MYT1: variants seen among roughly 807,000 people sequenced by gnomAD.
MYT1 encodes myelin transcription factor 1.
MYT1 carries 23 observed loss-of-function variants against 123.0 expected under a neutral mutation model. The ratio of observed to expected loss-of-function variants is 0.19; its 90% CI spans 0.13 to 0.26. The LOEUF is 0.26. Ranked by LOEUF, MYT1 falls within the 10% of genes least tolerant of loss-of-function variation. The pLI, the probability that MYT1 is intolerant of heterozygous loss-of-function variation, is 1.00. For missense variants in MYT1, 1,125 were observed against 1,472.5 expected, an observed-to-expected ratio of 0.76 and a Z score of 3.86; for synonymous variants, 518 against 575.3, an observed-to-expected ratio of 0.90 and a Z score of 1.43.
At chr20:64,177,480 C>T (rs899616614) in intron 1 of MYT1, among the ~76,000 whole-genome samples, 3 of 149,832 alleles carry the variant, frequency 2.0e-5, no homozygotes, top group African/African-American at 4.9e-5. Flanking sequence ...CCCCAAACCC[C>T]GGAGCAGAAG....
At chr20:64,199,734 G>A (rs1381220094) in intron 3 of MYT1, among the ~76,000 whole-genome samples, 158 bp from the exon 4 acceptor site, 1 of 152,158 alleles carries the variant, frequency 6.6e-6, no homozygotes, top group East Asian at 1.9e-4. Context: ...TCAGGAAAGG[G>A]TGAGCGCCCT....
Position 64,218,501 on chromosome 20 carries a change from C to T in MYT1, c.1847-410C>T, listed in dbSNP as rs1983904834. 6.6e-6 allele frequency among the ~76,000 whole-genome samples: 1 copy of T among 152,180 alleles called. No individual in the cohort carries two copies. Among genetic ancestry groups the T allele is most frequent in the Non-Finnish European group, 1.5e-5 (1 of 68,038 alleles). ...CGATATGGCAAACACTCATCCTATTCACAGAATGCTTCAGTTTCTGATAGA... is the reference window on the plus strand; with the variant it reads ...CGATATGGCAAACACTCATCCTATTTACAGAATGCTTCAGTTTCTGATAGA... On this transcript the variant is annotated intron_variant, in intron 11 of 22. Coordinates refer to ENST00000328439, the MANE Select transcript of MYT1 (RefSeq NM_004535.3). This position sits in a 1 kb window ranked among gnomAD's most constrained non-coding sequence, Gnocchi z 4.0.
chr20:64,241,100 C>A lies in MYT1; in HGVS notation c.*652C>A, dbSNP rs1984704752. The A allele has an allele frequency of 6.6e-6, 1 of 152,484 alleles. No homozygotes were observed. The allele number at this position is 152,484 out of a possible 1,614,324, so 9.4% of individuals were successfully genotyped here. On this transcript the variant is annotated 3_prime_UTR_variant, in exon 23 of 23. Transcript: ENST00000328439. This position sits in a 1 kb window ranked among gnomAD's most constrained non-coding sequence, Gnocchi z 4.2. ...TGAAAATCAGCCTAATGTCTGGGGG[C>A]AGCTGGCGCTGAGGCTGTGCAGATG...
intron 2 of MYT1, among the ~76,000 whole-genome samples, chr20:64,195,837 C>T (rs1983103094): frequency 1.3e-5 from 2 of 152,146 alleles, no homozygotes; most frequent in South Asian, 4.2e-4. Context: ...AATGGATGGA[C>T]AAAGAGACAG....
chr20:64,236,140 A>C (rs34003872), intron 19 of MYT1, among the ~76,000 whole-genome samples: 47 of 42,306 alleles, frequency 1.1e-3, no homozygotes, highest in Admixed American at 1.7e-3. Context: ...TGACCCTGGG[A>C]TGGTCGCGGT....
chr20:64,232,513 G>A lies in MYT1; in HGVS notation c.2897+128G>A. On this transcript the variant is annotated intron_variant, in intron 19 of 22. Transcript: ENST00000328439. The surrounding 1 kb of genome is among the most constrained non-coding windows in gnomAD (Gnocchi z 6.9). ...GTGACCAGAGTTGCTCAAGGGAAAG[G>A]CCAGGCCACATGGGTAGCGGATGGG... 2.2e-6 allele frequency: 2 copies of A among 897,254 alleles called. No individual in the cohort carries two copies. The highest frequency in any genetic ancestry group is 3.4e-6 in the Non-Finnish European group (2 of 581,056). The allele number at this position is 897,254 out of a possible 1,614,324, so 55.6% of individuals were successfully genotyped here. A position where few individuals can be genotyped will look rare whatever the true frequency, so the allele number is the denominator to read the frequency against.
chr20:64,234,803 G>C (rs1178636089), intron 19 of MYT1, among the ~76,000 whole-genome samples: 1 of 145,972 alleles, frequency 6.9e-6, no homozygotes, highest in Admixed American at 6.9e-5. Flanking sequence ...GTGTGACCCG[G>C]GGCTGGCCAT....
rs187234205 is a variant in MYT1, at chr20:64,193,655, C to A, written c.-1+3495C>A. Among the ~76,000 whole-genome samples, 2 of 152,028 alleles carry A rather than the reference C, an allele frequency of 1.3e-5. No homozygotes were observed. Among genetic ancestry groups the A allele is most frequent in the East Asian group, 3.9e-4 (2 of 5,160 alleles). On this transcript the variant is annotated intron_variant, in intron 2 of 22. Coordinates refer to ENST00000328439, the MANE Select transcript of MYT1 (RefSeq NM_004535.3). This position sits in a 1 kb window ranked among gnomAD's most constrained non-coding sequence, Gnocchi z 4.0. ...GGGTAGGGGACAGCCAGTTTCTGGCCACCTCCTCACCCCCCACTCTTCACT... is the reference window on the plus strand; with the variant it reads ...GGGTAGGGGACAGCCAGTTTCTGGCAACCTCCTCACCCCCCACTCTTCACT...
Position 64,168,149 on chromosome 20 carries a change from A to G in MYT1, c.-99+3410A>G, listed in dbSNP as rs1335602316. On this transcript the variant is annotated intron_variant, in intron 1 of 22. Transcript: ENST00000328439. The surrounding 1 kb of genome is among the most constrained non-coding windows in gnomAD (Gnocchi z 6.1). Reference sequence around the variant, plus strand: ...AAATTTCCCCAAACATCACTTTAAAAAACTCAAAACAAAAATGAGCAAGAG... The same window carrying G: ...AAATTTCCCCAAACATCACTTTAAAGAACTCAAAACAAAAATGAGCAAGAG... 2.0e-5 allele frequency among the ~76,000 whole-genome samples: 3 copies of G among 152,268 alleles called. No individual in the cohort carries two copies. The highest frequency in any genetic ancestry group is 6.5e-5 in the Admixed American group (1 of 15,290).
intron 1 of MYT1, among the ~76,000 whole-genome samples, chr20:64,171,381 G>A (rs1376800958): frequency 1.3e-5 from 2 of 152,222 alleles, no homozygotes; most frequent in Non-Finnish European, 2.9e-5. Flanking sequence ...ATCCCTAGAA[G>A]GCTGCCTGGA....
chr20:64,207,626 A>G lies in MYT1; in HGVS notation c.430A>G (p.Asn144Asp). ...RSPVKSHFGS[N>D]PIGSATASSK... ...CCCCGTCAAGTCCCATTTTGGATCCAACCCCATCGGCAGCGCCACTGCCTC... is the reference window on the plus strand; with the variant it reads ...CCCCGTCAAGTCCCATTTTGGATCCGACCCCATCGGCAGCGCCACTGCCTC... The change falls in exon 7 of 23, where the codon AAC (asparagine) becomes GAC (aspartate). Residue 144 changes from asparagine (N) to aspartate (D), a missense_variant. Physicochemically the swap from Asn to Asp is conservative, Grantham distance 23. This residue lies in a region of MYT1 where 406 missense variants were observed against 432.2 expected (regional missense o/e 0.94). Coordinates refer to ENST00000328439, the MANE Select transcript of MYT1 (RefSeq NM_004535.3). 6.2e-7 allele frequency: 1 copy of G among 1,613,802 alleles called. No individual in the cohort carries two copies. Among genetic ancestry groups the G allele is most frequent in the Non-Finnish European group, 8.5e-7 (1 of 1,179,978 alleles).
At chr20:64,207,295 C>T (rs1421944884) in intron 6 of MYT1, among the ~76,000 whole-genome samples, 3 of 152,116 alleles carry the variant, frequency 2.0e-5, no homozygotes, top group Admixed American at 6.6e-5. Flanking sequence ...GGAAAGTAAA[C>T]GTGATGGGAG....
intron 3 of MYT1, 92 bp from the exon 4 acceptor site, chr20:64,199,800 C>CG: frequency 2.1e-6 from 3 of 1,460,044 alleles, no homozygotes; most frequent in Non-Finnish European, 2.9e-6. Flanking sequence ...TGGCAAACCT[C>CG]TCGGCTGTTT....
intron 19 of MYT1, among the ~76,000 whole-genome samples, chr20:64,234,860 G>A (rs923773672): frequency 9.0e-5 from 13 of 144,930 alleles, no homozygotes; most frequent in African/African-American, 2.1e-4. Flanking sequence ...TGGGCTGGCC[G>A]TGGTGGGTGA....
At chr20:64,171,287 T>C (rs1439053177) in intron 1 of MYT1, among the ~76,000 whole-genome samples, 1 of 152,134 alleles carries the variant, frequency 6.6e-6, no homozygotes, top group Non-Finnish European at 1.5e-5. Context: ...CAGCGGTAAG[T>C]CCTGTAAGGA....
chr20:64,228,085 C>G (rs1193792030), intron 18 of MYT1, 114 bp downstream of exon 18: 1 of 986,702 alleles, frequency 1.0e-6, no homozygotes, highest in Admixed American at 2.5e-5. Context: ...AACGGGTCAC[C>G]TAACTGACCA....
rs751552706 is a variant in MYT1, at chr20:64,212,189, GGGGGCCAGGGT to G, written c.1517+56_1517+66del. The G allele has an allele frequency of 2.5e-4, 123 of 496,694 alleles. 9 individuals carry two copies. The South Asian group carries it at 2.6e-3, about 11-fold the overall frequency. 30.8% of individuals were successfully genotyped at this position (496,694 alleles called of 1,614,324 possible). Reference sequence around the variant, plus strand: ...TGGGGGCCAGGGTGGGGGCCGTGGTGGGGGCCAGGGTGGGGGCCGTGGTGGGGGCCAGGGTG... The same window carrying G: ...TGGGGGCCAGGGTGGGGGCCGTGGTGGGGGGCCGTGGTGGGGGCCAGGGTG... On this transcript the variant is annotated intron_variant, in intron 9 of 22. Transcript: ENST00000328439. The surrounding 1 kb of genome is among the most constrained non-coding windows in gnomAD (Gnocchi z 6.8).
At chr20:64,165,757 C>T (rs944492545) in intron 1 of MYT1, among the ~76,000 whole-genome samples, 2 of 151,838 alleles carry the variant, frequency 1.3e-5, no homozygotes, top group African/African-American at 2.4e-5. Flanking sequence ...GACTCTGTCA[C>T]GATGATGATA....
In MYT1 at chr20:64,212,012, C is replaced by T; in HGVS notation, c.1427-36C>T. The T allele has an allele frequency of 6.4e-7, 1 of 1,571,384 alleles. No homozygotes were observed. On this transcript the variant is annotated intron_variant, in intron 8 of 22. Transcript: ENST00000328439. This position sits in a 1 kb window ranked among gnomAD's most constrained non-coding sequence, Gnocchi z 6.8. ...AGCTGGCGCTCCCCAGATTCTCTGA[C>T]AGCCTCGGCTCCCTCCACCCCCTGT...
Sources: allele counts gnomAD v4.1 joint callset (sites outside exome capture counted in the v4.1 genomes callset), GRCh38; gene constraint gnomAD v4.1.1; regional missense constraint gnomAD v4.1.1; non-coding constraint Gnocchi (gnomAD v3.1); transcripts MANE v1.5; gene names NCBI Gene and HGNC (gene_info 2026-07-23, HGNC 2026-07-21).